The following TNIK variants were observed in gnomAD, a reference collection of about 807,000 sequenced individuals.
TNIK encodes TRAF2 and NCK-interacting protein kinase.
TNIK carries 49 observed loss-of-function variants against 191.3 expected under a neutral mutation model. The ratio of observed to expected loss-of-function variants is 0.26; its 90% CI spans 0.20 to 0.32. TNIK has a LOEUF of 0.32. Ranked by LOEUF, TNIK falls within the 10% of genes least tolerant of loss-of-function variation. TNIK has a pLI of 1.00. For missense variants in TNIK, 1,155 were observed against 1,702.3 expected (o/e 0.68, Z 5.66); for synonymous variants, 594 against 600.9 (o/e 0.99, Z 0.17).
At chr3:171,230,067 T>C (rs921956003) in intron 2 of TNIK, among the ~76,000 whole-genome samples, 4 of 152,148 alleles carry the variant, frequency 2.6e-5, no homozygotes, top group Non-Finnish European at 5.9e-5. Context: ...CTACCAACTC[T>C]TTCCATCCCA....
chr3:171,063,731 A>T lies in TNIK; in HGVS notation c.*150T>A. 2.8e-6 allele frequency: 2 copies of T among 703,114 alleles called. No individual in the cohort carries two copies. The highest frequency in any genetic ancestry group is 4.7e-6 in the Non-Finnish European group (2 of 423,104). The allele number at this position is 703,114 out of a possible 1,614,324, so 43.6% of individuals were successfully genotyped here. A position where few individuals can be genotyped will look rare whatever the true frequency, so the allele number is the denominator to read the frequency against. ...GCTGCAACATTGAAAGATGGACTGTACTGGGAGGGGCGGAGGGAGAGGAAA... is the reference window on the plus strand; with the variant it reads ...GCTGCAACATTGAAAGATGGACTGTTCTGGGAGGGGCGGAGGGAGAGGAAA... On this transcript the variant is annotated 3_prime_UTR_variant, in exon 33 of 33. Transcript: ENST00000436636.
chr3:171,351,394 G>A (rs1012426148), intron 2 of TNIK, among the ~76,000 whole-genome samples: 19 of 151,724 alleles, frequency 1.3e-4, no homozygotes, highest in Non-Finnish European at 2.8e-4. Flanking sequence ...ATTGAAAGAA[G>A]GTCATCTTAG....
intron 2 of TNIK, among the ~76,000 whole-genome samples, chr3:171,272,582 C>G (rs1749246122): frequency 6.6e-6 from 1 of 152,178 alleles, no homozygotes; most frequent in African/African-American, 2.4e-5. Context: ...AACCTGTCTT[C>G]AAATTCACAG....
intron 2 of TNIK, among the ~76,000 whole-genome samples, chr3:171,331,725 G>A (rs945317894): frequency 6.6e-6 from 1 of 152,166 alleles, no homozygotes; most frequent in Non-Finnish European, 1.5e-5. Flanking sequence ...TTCCATCCAG[G>A]ATGTGTGAAA....
At chr3:171,376,743 A>T (rs998708079) in intron 1 of TNIK, among the ~76,000 whole-genome samples, 7 of 144,100 alleles carry the variant, frequency 4.9e-5, no homozygotes, top group African/African-American at 1.8e-4. Context: ...ATAGATAGAT[A>T]GATGATAGAT....
At chr3:171,340,872 C>T (rs1289172115) in intron 2 of TNIK, among the ~76,000 whole-genome samples, 2 of 151,096 alleles carry the variant, frequency 1.3e-5, no homozygotes, top group Non-Finnish European at 2.9e-5. Flanking sequence ...TCTGTTTCAA[C>T]ACAATGACCT....
rs1717611151 is a variant in TNIK, at chr3:171,059,092, A to G, written c.*4789T>C. Among the ~76,000 whole-genome samples the G allele has an allele frequency of 6.6e-6, 1 of 152,246 alleles. No homozygotes were observed. The highest frequency in any genetic ancestry group is 1.5e-5 in the Non-Finnish European group (1 of 68,040). On this transcript the variant is annotated 3_prime_UTR_variant, in exon 33 of 33. Transcript: ENST00000436636. Reference sequence around the variant, plus strand: ...CCACCAGCATTTGCTCAGCCTCAATAGTGCAATGCAACTTGGTGCTGATAA... The same window carrying G: ...CCACCAGCATTTGCTCAGCCTCAATGGTGCAATGCAACTTGGTGCTGATAA...
At chr3:171,391,482 G>A (rs1379592346) in intron 1 of TNIK, among the ~76,000 whole-genome samples, 1 of 152,236 alleles carries the variant, frequency 6.6e-6, no homozygotes, top group Non-Finnish European at 1.5e-5. Context: ...TATTGCTGAA[G>A]ATGGCACTGA....
At position 171,161,261 on chromosome 3, in the gene TNIK, C is replaced by T. The variant is rs774021396; in HGVS notation, c.1016+9G>A. ...TGAACATTAGAAGACTTGGCTTTTG[C>T]TCTCATACCTGGGCTCTCCTGAGTC... is the stretch of plus-strand genomic sequence containing the variant. On this transcript the variant is annotated intron_variant, in intron 11 of 32. Coordinates refer to ENST00000436636, the MANE Select transcript of TNIK (RefSeq NM_015028.4). The T allele has an allele frequency of 6.2e-7, 1 of 1,611,286 alleles. No individual in the cohort carries two copies. Among genetic ancestry groups the T allele is most frequent in the Admixed American group, 1.7e-5 (1 of 59,878 alleles).
chr3:171,260,134 C>T (rs1034206142), intron 2 of TNIK, among the ~76,000 whole-genome samples: 2 of 152,070 alleles, frequency 1.3e-5, no homozygotes, highest in Non-Finnish European at 2.9e-5. Context: ...TCTGATCACC[C>T]GGGCTTGTTT....
chr3:171,136,060 T>A (rs1036878334), intron 15 of TNIK, among the ~76,000 whole-genome samples: 2 of 152,224 alleles, frequency 1.3e-5, no homozygotes. Context: ...AGGTGAAAAC[T>A]GTTTCATGCT....
intron 10 of TNIK, 49 bp from the exon 11 acceptor site, chr3:171,161,385 A>G: frequency 1.9e-6 from 3 of 1,564,564 alleles, no homozygotes; most frequent in Non-Finnish European, 2.6e-6. Context: ...GCTATGGCTC[A>G]GTAAAGCCCA....
intron 1 of TNIK, among the ~76,000 whole-genome samples, chr3:171,454,829 T>C (rs756102598): frequency 2.0e-5 from 3 of 152,214 alleles, no homozygotes; most frequent in Admixed American, 6.5e-5. Flanking sequence ...ATGAGACCTC[T>C]CACCAGAAAG....
Position 171,063,354 on chromosome 3 carries a change from CTATG to C in TNIK, c.*523_*526del, listed in dbSNP as rs1718027640. 1 of 152,238 alleles carries C rather than the reference CTATG, an allele frequency of 6.6e-6. No individual in the cohort carries two copies. The highest frequency in any genetic ancestry group is 1.5e-5 in the Non-Finnish European group (1 of 68,066). 9.4% of individuals were successfully genotyped at this position (152,238 alleles called of 1,614,324 possible). ...GCAAGAGAGTTCTTAAATTACTCCACTATGTAGTTATGGCCTTCAGCCTAAGGAG... is the reference window on the plus strand; with the variant it reads ...GCAAGAGAGTTCTTAAATTACTCCACTAGTTATGGCCTTCAGCCTAAGGAG... On this transcript the variant is annotated 3_prime_UTR_variant, in exon 33 of 33. Coordinates refer to ENST00000436636, the MANE Select transcript of TNIK (RefSeq NM_015028.4).
intron 15 of TNIK, among the ~76,000 whole-genome samples, chr3:171,137,980 AAAAAC>A (rs1227645921): frequency 1.7e-3 from 207 of 120,358 alleles, no homozygotes; most frequent in African/African-American, 7.9e-3. Context: ...AAAAAAAAAA[AAAAAC>A]AAAAACAAAA....
At chr3:171,107,293 T>C (rs1725051446) in intron 20 of TNIK, 87 bp from the exon 21 acceptor site, 1 of 1,275,980 alleles carries the variant, frequency 7.8e-7, no homozygotes, top group Non-Finnish European at 1.1e-6. Flanking sequence ...AAAATTGTAA[T>C]TGTTAGTACG....
Position 171,258,881 on chromosome 3 carries a change from T to C in TNIK, c.124-30660A>G, listed in dbSNP as rs150011650. 3.0e-4 allele frequency among the ~76,000 whole-genome samples: 46 copies of C among 152,300 alleles called. No homozygotes were observed. In the East Asian group the frequency reaches 8.3e-3, roughly 27 times the overall value. Reference sequence around the variant, plus strand: ...GTAACCAATTTAATTAATTTACTCCTTGGACTGCTCAGAAGTTCAGTCTCT... The same window carrying C: ...GTAACCAATTTAATTAATTTACTCCCTGGACTGCTCAGAAGTTCAGTCTCT... On this transcript the variant is annotated intron_variant, in intron 2 of 32. Coordinates refer to ENST00000436636, the MANE Select transcript of TNIK (RefSeq NM_015028.4).
intron 16 of TNIK, among the ~76,000 whole-genome samples, chr3:171,126,623 C>T (rs1281469621): frequency 6.6e-6 from 1 of 152,156 alleles, no homozygotes; most frequent in African/African-American, 2.4e-5. Flanking sequence ...CCTCATTTTA[C>T]ACCGGAGCAA....
intron 2 of TNIK, among the ~76,000 whole-genome samples, chr3:171,292,888 C>A (rs372569899): frequency 6.6e-5 from 10 of 152,030 alleles, no homozygotes; most frequent in African/African-American, 2.4e-4. Context: ...TCTCACTCGC[C>A]AATGGCCACA....
Sources: allele counts gnomAD v4.1 joint callset (sites outside exome capture counted in the v4.1 genomes callset), GRCh38; gene constraint gnomAD v4.1.1; transcripts MANE v1.5; gene names NCBI Gene and HGNC (gene_info 2026-07-23, HGNC 2026-07-21).